Variants in PAPPA observed in about 807,000 individuals in gnomAD.
PAPPA encodes pappalysin 1, also known as pappalysin-1.
Under a neutral mutation model 164.0 loss-of-function variants are expected in PAPPA, and 60 were observed. That is an observed-to-expected ratio of 0.37 (90% confidence interval 0.30 to 0.45). The LOEUF is 0.45. Among genes scored for constraint, PAPPA ranks in the 20% least tolerant of loss-of-function variants. The pLI is 1.00. For synonymous variants in PAPPA, 875 were observed against 814.1 expected, an observed-to-expected ratio of 1.07 and a Z score of -1.27; for missense variants, 1,782 against 2,087.3, an observed-to-expected ratio of 0.85 and a Z score of 2.85.
rs769779469 is a variant in PAPPA at position 116,235,254 on chromosome 9, C to G, written c.2349C>G (p.Leu783=). ...PACPEPQGCY[L]ELEFLYPLVP... is the part of the protein sequence containing the mutation. ...GCCCTGAGCCTCAAGGCTGCTACCT[C>G]GAGCTGGAGTTCCTCTACCCCTTGG... The change falls in exon 7 of 22, where the codon CTC becomes CTG. Residue 783 remains leucine (L), a synonymous_variant. Transcript: ENST00000328252. The G allele has an allele frequency of 2.5e-6, 4 of 1,614,158 alleles. No homozygotes were observed. Among genetic ancestry groups the G allele is most frequent in the Non-Finnish European group, 2.5e-6 (3 of 1,180,006 alleles).
Position 116,352,734 on chromosome 9 carries a change from G to A in PAPPA, c.3993G>A (p.Glu1331=), listed in dbSNP as rs1846298584. ...ACAACAGCCTCCTGACCTGCATGGA[G>A]GATGGGCTGTGGTCCTTCCCAGAGG... The part of the protein sequence containing the change: ...KGNNSLLTCM[E]DGLWSFPEAL... Residue 1331 remains glutamate, a synonymous_variant, in exon 16 of 22, where the codon GAG becomes GAA. Transcript: ENST00000328252. 8 of 1,613,222 alleles carry A rather than the reference G, an allele frequency of 5.0e-6. No individual in the cohort carries two copies. Among genetic ancestry groups the A allele is most frequent in the Non-Finnish European group, 6.8e-6 (8 of 1,180,020 alleles).
rs1024704707 is a variant in PAPPA at position 116,399,259 on chromosome 9, T to A, written c.*2643T>A. On this transcript the variant is annotated 3_prime_UTR_variant, in exon 22 of 22. Transcript: ENST00000328252. Reference sequence around the variant, plus strand: ...CTCTTCTGAATCAAGACCCACCCAGTCTCTTTCATTCAGACCTGTTGCTAA... The same window carrying A: ...CTCTTCTGAATCAAGACCCACCCAGACTCTTTCATTCAGACCTGTTGCTAA... 1.3e-5 allele frequency: 2 copies of A among 152,814 alleles called. No individual in the cohort carries two copies. The highest frequency in any genetic ancestry group is 2.9e-5 in the Non-Finnish European group (2 of 68,248). The allele number at this position is 152,814 out of a possible 1,614,324, so 9.5% of individuals were successfully genotyped here.
rs1846948909 is a variant in PAPPA at position 116,395,346 on chromosome 9, G to A, written c.4777-1163G>A. On this transcript the variant is annotated intron_variant, in intron 21 of 21. Transcript: ENST00000328252. The stretch of plus-strand genomic sequence containing the variant: ...AAGAAGAGGTAGACATTGAGAATGA[G>A]TCCACAAGTACATGAGAGAGAAGGA... Among the ~76,000 whole-genome samples the A allele has an allele frequency of 1.3e-5, 2 of 152,018 alleles. 1 individual carries two copies. Among genetic ancestry groups the A allele is most frequent in the South Asian group, 4.1e-4 (2 of 4,828 alleles).
intron 10 of PAPPA, among the ~76,000 whole-genome samples, chr9:116,322,268 G>T (rs1845865989): frequency 6.6e-6 from 1 of 152,018 alleles, no homozygotes; most frequent in South Asian, 2.1e-4. Context: ...AAATTAGCTG[G>T]GTGTGGTGGC....
intron 4 of PAPPA, among the ~76,000 whole-genome samples, chr9:116,214,022 T>C (rs1048572578): frequency 1.3e-5 from 2 of 152,168 alleles, no homozygotes; most frequent in South Asian, 4.1e-4. Flanking sequence ...TGGGTGCTTC[T>C]TCCTCAGGCC....
At position 116,235,182 on chromosome 9, in the gene PAPPA, C is replaced by T. The variant is rs1176498529; in HGVS notation, c.2277C>T (p.Thr759=). 3.1e-6 allele frequency: 5 copies of T among 1,614,148 alleles called. No homozygotes were observed. The African/African-American group carries it at 4.0e-5, about 13-fold the overall frequency. The change falls in exon 7 of 22, where the codon ACC becomes ACT. Residue 759 remains threonine (T), a synonymous_variant. Coordinates refer to ENST00000328252, the MANE Select transcript of PAPPA (RefSeq NM_002581.5). ...AGCCCTGTAAGTCCAGTGTCCGCACCTGGAGCCCAAATTCAGCTGTCAACC... is the reference window on the plus strand; with the variant it reads ...AGCCCTGTAAGTCCAGTGTCCGCACTTGGAGCCCAAATTCAGCTGTCAACC... The part of the protein sequence containing the change: ...VEQPCKSSVR[T]WSPNSAVNPH...
At chr9:116,363,736 T>C (rs1015043842) in intron 18 of PAPPA, among the ~76,000 whole-genome samples, 2 of 152,210 alleles carry the variant, frequency 1.3e-5, no homozygotes, top group East Asian at 3.8e-4. Flanking sequence ...AGAGCCAACA[T>C]GATCTTCATC....
intron 2 of PAPPA, among the ~76,000 whole-genome samples, chr9:116,194,179 G>T (rs1341905416): frequency 2.6e-5 from 4 of 152,208 alleles, no homozygotes; most frequent in Admixed American, 6.5e-5. Flanking sequence ...ACAGATTCTA[G>T]CCTGGGCTGG....
intron 10 of PAPPA, among the ~76,000 whole-genome samples, chr9:116,312,907 C>A (rs899479819): frequency 6.6e-6 from 1 of 151,838 alleles, no homozygotes; most frequent in Non-Finnish European, 1.5e-5. Flanking sequence ...CACGGTGAAA[C>A]CTCATCTCTA....
rs545705737 is a variant in PAPPA at position 116,274,525 on chromosome 9, A to G, written c.2953+3109A>G. Among the ~76,000 whole-genome samples, 11 of 152,358 alleles carry G rather than the reference A, an allele frequency of 7.2e-5. No homozygotes were observed. In the South Asian group the frequency reaches 1.9e-3, roughly 26 times the overall value. ...CTGTGCTGAGGTTGACATTGTTCCC[A>G]TGATTGCATTTGTTAAGACAGTGGT... On this transcript the variant is annotated intron_variant, in intron 9 of 21. Coordinates refer to ENST00000328252, the MANE Select transcript of PAPPA (RefSeq NM_002581.5).
rs115269239 is a variant in PAPPA, at chr9:116,330,545, C to A, written c.3148-699C>A. 2.9e-3 allele frequency among the ~76,000 whole-genome samples: 444 copies of A among 151,830 alleles called. 4 individuals are homozygous for A. The highest frequency in any genetic ancestry group is 0.01 in the African/African-American group (428 of 41,400). On this transcript the variant is annotated intron_variant, in intron 10 of 21. Transcript: ENST00000328252. ...GAATCCTGCTTGTCTATAAATGTTT[C>A]CTGTTTCTTTTAATACTGTTTGGTA...
rs149897949 is a variant in PAPPA at position 116,315,640 on chromosome 9, G to A, written c.3147+12690G>A. Among the ~76,000 whole-genome samples the A allele has an allele frequency of 5.5e-3, 842 of 152,184 alleles. 12 individuals carry two copies. The highest frequency in any genetic ancestry group is 7.0e-3 in the Non-Finnish European group (476 of 67,998). Reference sequence around the variant, plus strand: ...CTACAGAGATGGATGGAAATCTAAGGGTCTTCCTTTCTGACTTGAGAATGT... The same window carrying A: ...CTACAGAGATGGATGGAAATCTAAGAGTCTTCCTTTCTGACTTGAGAATGT... On this transcript the variant is annotated intron_variant, in intron 10 of 21. Transcript: ENST00000328252.
chr9:116,263,406 C>T (rs150909176), intron 7 of PAPPA, among the ~76,000 whole-genome samples: 55 of 152,252 alleles, frequency 3.6e-4, no homozygotes, highest in East Asian at 1.4e-3. Flanking sequence ...CATCAAGCCA[C>T]GGCACACATG....
chr9:116,362,550 TG>T (rs1564241861), intron 17 of PAPPA, 41 bp from the exon 18 acceptor site: 7 of 1,591,248 alleles, frequency 4.4e-6, no homozygotes, highest in Non-Finnish European at 6.0e-6. Flanking sequence ...CAATTGGGGC[TG>T]GTGTCTCTCT....
chr9:116,234,693 A>C (rs1844638431), intron 6 of PAPPA, among the ~76,000 whole-genome samples: 1 of 152,186 alleles, frequency 6.6e-6, no homozygotes. Context: ...TGGCTTTTAC[A>C]CTTCAAGTTG....
chr9:116,187,403 A>G lies in PAPPA; in HGVS notation c.665A>G (p.Glu222Gly), dbSNP rs777269935. 1.2e-6 allele frequency: 2 copies of G among 1,614,104 alleles called. No homozygotes were observed. Among genetic ancestry groups the G allele is most frequent in the South Asian group, 2.2e-5 (2 of 91,074 alleles). The change falls in exon 2 of 22, where the codon GAA becomes GGA. Residue 222 changes from glutamate (E) to glycine (G), a missense_variant. Physicochemically the swap from Glu to Gly is moderately conservative, Grantham distance 98. Coordinates refer to ENST00000328252, the MANE Select transcript of PAPPA (RefSeq NM_002581.5). The surrounding 1 kb of genome is among the most constrained non-coding windows in gnomAD (Gnocchi z 4.2). ...VNGAQVATSG[E>G]QVGGIFSPLT... ...GGTGCCCAGGTGGCCACCTCTGGGG[A>G]ACAAGTGGGTGGCATATTCAGCCCA...
rs1002772134 is a variant in PAPPA at position 116,220,743 on chromosome 9, G to A, written c.2111+614G>A. Among the ~76,000 whole-genome samples the A allele has an allele frequency of 1.0e-3, 151 of 151,364 alleles. 1 individual carries two copies. The highest frequency in any genetic ancestry group is 1.2e-3 in the Non-Finnish European group (80 of 67,888). ...CTCTACTAAAGCACAAAAATTAGAC[G>A]GGTGTGGTGGTGCGCGCCTGTAATC... On this transcript the variant is annotated intron_variant, in intron 5 of 21. Transcript: ENST00000328252.
chr9:116,225,105 A>G lies in PAPPA; in HGVS notation c.2112-2326A>G, dbSNP rs981436021. 3.9e-5 allele frequency among the ~76,000 whole-genome samples: 6 copies of G among 152,312 alleles called. No individual in the cohort carries two copies. In the South Asian group the frequency reaches 1.0e-3, roughly 26 times the overall value. ...GGTGGCTTTATGTGTATCACCCACA[A>G]TGAAACATCTAAAGCACATAGACGA... On this transcript the variant is annotated intron_variant, in intron 5 of 21. Coordinates refer to ENST00000328252, the MANE Select transcript of PAPPA (RefSeq NM_002581.5).
intron 21 of PAPPA, among the ~76,000 whole-genome samples, chr9:116,391,011 G>A (rs1456076111): frequency 2.6e-5 from 4 of 152,126 alleles, no homozygotes; most frequent in Non-Finnish European, 5.9e-5. Flanking sequence ...TACAGATAGA[G>A]AAACTGAAGC....
Sources: allele counts gnomAD v4.1 joint callset (sites outside exome capture counted in the v4.1 genomes callset), GRCh38; gene constraint gnomAD v4.1.1; non-coding constraint Gnocchi (gnomAD v3.1); transcripts MANE v1.5; gene names NCBI Gene and HGNC (gene_info 2026-07-23, HGNC 2026-07-21).